The following REM2 variants were observed in gnomAD, a reference collection of about 807,000 sequenced individuals.
REM2 encodes RRAD and GEM like GTPase 2.
Under a neutral mutation model 24.4 loss-of-function variants are expected in REM2, and 24 were observed. That is an observed-to-expected ratio of 0.98 (90% CI 0.71 to 1.38). The LOEUF is 1.38. REM2 is among the 40% of genes most tolerant of loss of function. REM2 has a pLI of 0.00. For missense variants in REM2, 429 were observed against 467.8 expected (o/e 0.92, Z 0.77); for synonymous variants, 187 against 198.0 (o/e 0.94, Z 0.47).
intron 1 of REM2, chr14:22,884,062 C>A: frequency 3.0e-6 from 3 of 985,142 alleles, no homozygotes; most frequent in Non-Finnish European, 2.4e-6. Flanking sequence ...GAAGCAGCAG[C>A]CCCTCTCTCT....
chr14:22,883,541 CA>C (rs2040088717), intron 1 of REM2, among the ~76,000 whole-genome samples, 151 bp downstream of exon 1: 1 of 152,130 alleles, frequency 6.6e-6, no homozygotes, highest in South Asian at 2.1e-4. Flanking sequence ...CCCCTGCTCA[CA>C]CAAGGGATTG....
At chr14:22,884,355 G>C (rs2040099794) in intron 1 of REM2, 1 of 985,346 alleles carries the variant, frequency 1.0e-6, no homozygotes, top group Admixed American at 6.1e-5. Flanking sequence ...CCTAGTCTGG[G>C]GGTTTGCCTG....
chr14:22,884,637 A>G, intron 1 of REM2, 37 bp from the exon 2 acceptor site: 1 of 1,564,816 alleles, frequency 6.4e-7, no homozygotes. Flanking sequence ...TATCCCACTC[A>G]TAGCTTCCTT....
Position 22,885,011 on chromosome 14 carries a change from C to G in REM2, c.441C>G (p.Asn147Lys), listed in dbSNP as rs1176271055. 1 of 1,530,938 alleles carries G rather than the reference C, an allele frequency of 6.5e-7. No homozygotes were observed. Among genetic ancestry groups the G allele is most frequent in the East Asian group, 2.3e-5 (1 of 44,116 alleles). 94.8% of individuals were successfully genotyped at this position (1,530,938 alleles called of 1,614,324 possible). A position where few individuals can be genotyped will look rare whatever the true frequency, so the allele number is the denominator to read the frequency against. Reference protein sequence around the residue: ...LQGDSAHEPENPEDTYERRIM... With the variant: ...LQGDSAHEPEKPEDTYERRIM... ...GAGACAGTGCTCACGAACCGGAGAA[C>G]CCAGGTATTTGGGGAAGCCCTCCAG... Residue 147 changes from asparagine to lysine, a missense_variant, in exon 2 of 5, where the codon AAC (asparagine) becomes AAG (lysine). By Grantham distance (94) the Asn-to-Lys change is moderately conservative. Coordinates refer to ENST00000267396, the MANE Select transcript of REM2 (RefSeq NM_173527.3).
chr14:22,884,364 T>C, intron 1 of REM2: 19 of 985,438 alleles, frequency 1.9e-5, no homozygotes, highest in Non-Finnish European at 2.3e-5. Context: ...GGGGTTTGCC[T>C]GTGTATCAGT....
chr14:22,883,307 C>T lies in REM2; in HGVS notation c.20C>T (p.Thr7Ile). The change falls in exon 1 of 5, where the codon ACA (threonine) becomes ATA (isoleucine). Residue 7 changes from threonine (T) to isoleucine (I), a missense_variant. Transcript: ENST00000267396. Reference sequence around the variant, plus strand: ...ACACTGATGCACACGGACCTGGACACAGACATGGACATGGACACAGAAACC... The same window carrying T: ...ACACTGATGCACACGGACCTGGACATAGACATGGACATGGACACAGAAACC... MHTDLD[T>I]DMDMDTETTA... The T allele has an allele frequency of 6.4e-7, 1 of 1,556,972 alleles. No individual in the cohort carries two copies.
In REM2 at chr14:22,883,294, A is replaced by T; in HGVS notation, c.7A>T (p.Thr3Ser). ...CACACGCACACGCACACTGATGCAC[A>T]CGGACCTGGACACAGACATGGACAT... MH[T>S]DLDTDMDMDT... Residue 3 changes from threonine to serine, a missense_variant, in exon 1 of 5, where the codon ACG (threonine) becomes TCG (serine). Thr to Ser is a moderately conservative substitution (Grantham distance 58, BLOSUM62 1). Coordinates refer to ENST00000267396, the MANE Select transcript of REM2 (RefSeq NM_173527.3). 1 of 1,533,180 alleles carries T rather than the reference A, an allele frequency of 6.5e-7. No homozygotes were observed. The highest frequency in any genetic ancestry group is 8.9e-7 in the Non-Finnish European group (1 of 1,128,826). 95.0% of individuals were successfully genotyped at this position (1,533,180 alleles called of 1,614,324 possible).
rs1380285284 is a variant in REM2, at chr14:22,886,241, C to T, written c.727+10C>T. ...GAGGTATCACTGGAGGGTGTGTATC[C>T]TGAACAGATTCCATACTTGCGATCT... On this transcript the variant is annotated intron_variant, in intron 4 of 4. Transcript: ENST00000267396. The surrounding 1 kb of genome is among the most constrained non-coding windows in gnomAD (Gnocchi z 5.9). 3.7e-6 allele frequency: 6 copies of T among 1,603,768 alleles called. No homozygotes were observed. In the Admixed American group the frequency reaches 1.0e-4, roughly 27 times the overall value.
At chr14:22,883,973 C>G (rs958349342) in intron 1 of REM2, 1 of 969,322 alleles carries the variant, frequency 1.0e-6, no homozygotes, top group Non-Finnish European at 1.2e-6. Flanking sequence ...ATATTCTCTC[C>G]CACTCACAGG....
chr14:22,883,274 G>A lies in REM2; in HGVS notation c.-14G>A, dbSNP rs373469678. 2.6e-4 allele frequency: 337 copies of A among 1,303,500 alleles called. 5 individuals are homozygous for A. In the South Asian group the frequency reaches 3.1e-3, roughly 12 times the overall value. 80.7% of individuals were successfully genotyped at this position (1,303,500 alleles called of 1,614,324 possible). A position where few individuals can be genotyped will look rare whatever the true frequency, so the allele number is the denominator to read the frequency against. On this transcript the variant is annotated 5_prime_UTR_variant, in exon 1 of 5. Transcript: ENST00000267396. The stretch of plus-strand genomic sequence containing the variant: ...CTGGGCTGCACACGCACACGCACAC[G>A]CACACGCACACTGATGCACACGGAC...
Position 22,883,383 on chromosome 14 carries a change from C to T in REM2, c.96C>T (p.Pro32=), listed in dbSNP as rs2040086271. ...GSRRASPPGT[P]TPEADATLLK... ...GCCGGGCCTCCCCTCCAGGGACGCC[C>T]ACACCAGGTGAGGGCTAACCTGGGC... Residue 32 remains proline, a synonymous_variant, in exon 1 of 5, where the codon CCC becomes CCT. Coordinates refer to ENST00000267396, the MANE Select transcript of REM2 (RefSeq NM_173527.3). The T allele has an allele frequency of 6.4e-7, 1 of 1,553,186 alleles. No homozygotes were observed. The highest frequency in any genetic ancestry group is 1.4e-5 in the African/African-American group (1 of 73,080).
Position 22,886,804 on chromosome 14 carries a change from G to C in REM2, c.918G>C (p.Glu306Asp). ...PEGPAPPARR[E>D]SLTKKAKRFL... ...GCCCTGCGCCACCTGCACGCCGCGA[G>C]AGCCTCACCAAGAAAGCCAAGAGGT... Residue 306 changes from glutamate to aspartate, a missense_variant, in exon 5 of 5, where the codon GAG (glutamate) becomes GAC (aspartate). Coordinates refer to ENST00000267396, the MANE Select transcript of REM2 (RefSeq NM_173527.3). This position sits in a 1 kb window ranked among gnomAD's most constrained non-coding sequence, Gnocchi z 5.9. The C allele has an allele frequency of 6.5e-7, 1 of 1,549,174 alleles. No homozygotes were observed. The highest frequency in any genetic ancestry group is 8.7e-7 in the Non-Finnish European group (1 of 1,146,402).
chr14:22,883,980 C>A, intron 1 of REM2: 1 of 975,010 alleles, frequency 1.0e-6, no homozygotes, highest in Non-Finnish European at 1.2e-6. Flanking sequence ...CTCCCACTCA[C>A]AGGGACAGAC....
At position 22,886,261 on chromosome 14, in the gene REM2, C is replaced by A. The variant is rs1288744638; in HGVS notation, c.727+30C>A. 5 of 1,567,788 alleles carry A rather than the reference C, an allele frequency of 3.2e-6. No individual in the cohort carries two copies. Among genetic ancestry groups the A allele is most frequent in the Non-Finnish European group, 4.4e-6 (5 of 1,148,064 alleles). On this transcript the variant is annotated intron_variant, in intron 4 of 4. Transcript: ENST00000267396. The surrounding 1 kb of genome is among the most constrained non-coding windows in gnomAD (Gnocchi z 5.9). ...GTATCCTGAACAGATTCCATACTTG[C>A]GATCTCAGGGGAATGCTCTCCCTTC...
Position 22,886,735 on chromosome 14 carries a change from A to C in REM2, c.849A>C (p.Arg283=). The change falls in exon 5 of 5, where the codon CGA becomes CGC. Residue 283 remains arginine (R), a synonymous_variant. Transcript: ENST00000267396. The surrounding 1 kb of genome is among the most constrained non-coding windows in gnomAD (Gnocchi z 5.9). ...GCCAGATCCGGCTGCGGCGGGGCCG[A>C]AACCACGCCGGAGGCCAGAGGCCCG... ...AVRQIRLRRG[R]NHAGGQRPDP... 16 of 1,529,008 alleles carry C rather than the reference A, an allele frequency of 1.0e-5. No homozygotes were observed. The highest frequency in any genetic ancestry group is 1.4e-5 in the Non-Finnish European group (16 of 1,138,488). 94.7% of individuals were successfully genotyped at this position (1,529,008 alleles called of 1,614,324 possible).
intron 3 of REM2, among the ~76,000 whole-genome samples, 153 bp from the exon 4 acceptor site, chr14:22,885,871 C>A (rs900795774): frequency 6.6e-6 from 1 of 152,204 alleles, no homozygotes; most frequent in African/African-American, 2.4e-5. Flanking sequence ...TCCACAAACA[C>A]TCTGGGTAGG....
In REM2 at chr14:22,886,988, G is replaced by A. The variant is rs1301040969; in HGVS notation, c.*79G>A. ...CCCCCCCTCGCCCCGCCCCGCCCCC[G>A]TCCGGCTTCCTTGGTGGAGGCCGTC... is the stretch of plus-strand genomic sequence containing the variant. On this transcript the variant is annotated 3_prime_UTR_variant, in exon 5 of 5. Transcript: ENST00000267396. The surrounding 1 kb of genome is among the most constrained non-coding windows in gnomAD (Gnocchi z 5.9). 8.0e-7 allele frequency: 1 copy of A among 1,251,342 alleles called. No individual in the cohort carries two copies. The highest frequency in any genetic ancestry group is 1.9e-5 in the South Asian group (1 of 53,710). 77.5% of individuals were successfully genotyped at this position (1,251,342 alleles called of 1,614,324 possible).
At position 22,886,858 on chromosome 14, in the gene REM2, C is replaced by G; in HGVS notation, c.972C>G (p.Ala324=). 6.5e-7 allele frequency: 1 copy of G among 1,545,392 alleles called. No individual in the cohort carries two copies. Among genetic ancestry groups the G allele is most frequent in the African/African-American group, 1.4e-5 (1 of 72,402 alleles). The change falls in exon 5 of 5, where the codon GCC becomes GCG. Residue 324 remains alanine, a synonymous_variant. Coordinates refer to ENST00000267396, the MANE Select transcript of REM2 (RefSeq NM_173527.3). This position sits in a 1 kb window ranked among gnomAD's most constrained non-coding sequence, Gnocchi z 5.9. ...TCGCCAACCTGGTGCCGCGCAACGC[C>G]AAGTTCTTCAAGCAGCGCTCCAGGT... The part of the protein sequence containing the change: ...RFLANLVPRN[A]KFFKQRSRSC...
In REM2 at chr14:22,886,053, C is replaced by T; in HGVS notation, c.549C>T (p.His183=). 2 of 1,614,024 alleles carry T rather than the reference C, an allele frequency of 1.2e-6. No homozygotes were observed. Among genetic ancestry groups the T allele is most frequent in the Non-Finnish European group, 8.5e-7 (1 of 1,179,886 alleles). The change falls in exon 4 of 5, where the codon CAC becomes CAT. Residue 183 remains histidine (H), a synonymous_variant. Transcript: ENST00000267396. This position sits in a 1 kb window ranked among gnomAD's most constrained non-coding sequence, Gnocchi z 5.9. ...QGDAGGWLRD[H]CLQTGDAFLI... Reference sequence around the variant, plus strand: ...ATGCAGGAGGGTGGCTGCGGGACCACTGCCTTCAGACCGGGGACGCCTTTC... The same window carrying T: ...ATGCAGGAGGGTGGCTGCGGGACCATTGCCTTCAGACCGGGGACGCCTTTC...
Sources: gnomAD v4.1 joint callset for allele counts (sites outside exome capture counted in the v4.1 genomes callset) on GRCh38, gnomAD v4.1.1 for gene constraint, Gnocchi (gnomAD v3.1) non-coding constraint, MANE v1.5 for transcripts, NCBI Gene and HGNC (gene_info 2026-07-23, HGNC 2026-07-21) for gene names.